The following ETNK1 variants were observed in gnomAD, a reference collection of about 807,000 sequenced individuals.
The protein encoded by ETNK1 is putative protein product of Nbla10396.
ETNK1 carries 8 observed loss-of-function variants against 45.1 expected under a neutral mutation model. That is an observed-to-expected ratio of 0.18 (90% CI 0.10 to 0.32). The LOEUF is 0.32. Ranked by LOEUF, ETNK1 falls within the 10% of genes least tolerant of loss-of-function variation. ETNK1 has a pLI of 1.00. For synonymous variants in ETNK1, 152 were observed against 151.9 expected, an observed-to-expected ratio of 1.00 and a Z score of -0.01; for missense variants, 302 against 430.6, an observed-to-expected ratio of 0.70 and a Z score of 2.64.
At chr12:22,636,909 T>G (rs552660241) in intron 1 of ETNK1, among the ~76,000 whole-genome samples, 1 of 152,258 alleles carries the variant, frequency 6.6e-6, no homozygotes, top group African/African-American at 2.4e-5. Flanking sequence ...ACAAAAAAAT[T>G]TAAATCAAAA....
chr12:22,629,155 G>A (rs1036547865), intron 1 of ETNK1, among the ~76,000 whole-genome samples: 4 of 151,938 alleles, frequency 2.6e-5, no homozygotes, highest in African/African-American at 9.7e-5. Flanking sequence ...ACTATATATT[G>A]GATACTTGAA....
At chr12:22,678,232 C>T (rs1954179259) in intron 6 of ETNK1, among the ~76,000 whole-genome samples, 1 of 152,174 alleles carries the variant, frequency 6.6e-6, no homozygotes, top group Non-Finnish European at 1.5e-5. Context: ...AAAGGAAACC[C>T]TGAATCTTAC....
intron 2 of ETNK1, chr12:22,644,363 G>T: frequency 1.4e-6 from 2 of 1,431,768 alleles, no homozygotes; most frequent in Non-Finnish European, 1.8e-6. Flanking sequence ...TTACTTAATT[G>T]TTCATGTTTT....
chr12:22,674,359 T>C (rs1447740757), intron 6 of ETNK1, among the ~76,000 whole-genome samples: 2 of 152,226 alleles, frequency 1.3e-5, no homozygotes, highest in Non-Finnish European at 2.9e-5. Context: ...ATAGTTGACA[T>C]GGGAAATATT....
chr12:22,673,809 T>A, intron 6 of ETNK1, 149 bp downstream of exon 6: 2 of 784,704 alleles, frequency 2.5e-6, no homozygotes, highest in Non-Finnish European at 4.0e-6. Context: ...CAGTATGCAT[T>A]ACCCCATTGC....
chr12:22,657,118 T>C (rs1953952293), intron 2 of ETNK1, among the ~76,000 whole-genome samples: 1 of 152,160 alleles, frequency 6.6e-6, no homozygotes, highest in Non-Finnish European at 1.5e-5. Flanking sequence ...CACAGTTCAT[T>C]TGGGCTTAGC....
intron 2 of ETNK1, among the ~76,000 whole-genome samples, chr12:22,645,086 G>A (rs1001032698): frequency 2.6e-5 from 4 of 151,856 alleles, no homozygotes; most frequent in African/African-American, 9.7e-5. Context: ...GTCTTTAGAT[G>A]TATTAAAAGA....
rs73080499 is a variant in ETNK1 at position 22,679,295 on chromosome 12, A to G, written c.946-5188A>G. Among the ~76,000 whole-genome samples, 566 of 152,342 alleles carry G rather than the reference A, an allele frequency of 3.7e-3. 3 individuals carry two copies. The highest frequency in any genetic ancestry group is 6.8e-3 in the Middle Eastern group (2 of 294). On this transcript the variant is annotated intron_variant, in intron 6 of 7. Coordinates refer to ENST00000266517, the MANE Select transcript of ETNK1 (RefSeq NM_018638.5). ...TTAAGTCCAAGTGTCCAAATGCTGA[A>G]GAACTTGGATTCTGAAGTCCAAGGG...
chr12:22,640,640 T>C (rs1427130211), intron 1 of ETNK1, among the ~76,000 whole-genome samples: 1 of 152,188 alleles, frequency 6.6e-6, no homozygotes, highest in African/African-American at 2.4e-5. Flanking sequence ...AGCACTGTTC[T>C]AAGTACTTTT....
intron 2 of ETNK1, among the ~76,000 whole-genome samples, chr12:22,651,680 C>CA (rs1953877568): frequency 7.7e-6 from 1 of 129,256 alleles, no homozygotes; most frequent in African/African-American, 2.7e-5. Context: ...ACAATTCTAT[C>CA]CCTTTTTTTT....
At chr12:22,662,606 C>G (rs570058365) in intron 4 of ETNK1, among the ~76,000 whole-genome samples, 3 of 152,130 alleles carry the variant, frequency 2.0e-5, no homozygotes, top group South Asian at 2.1e-4. Flanking sequence ...CTCTGTTGCC[C>G]AGGCTGGTTT....
At chr12:22,663,470 A>C (rs111488814) in intron 4 of ETNK1, among the ~76,000 whole-genome samples, 3,045 of 152,242 alleles carry the variant, frequency 0.02, 53 homozygotes, top group Middle Eastern at 0.048. Flanking sequence ...AAACTTGTTT[A>C]TAAAACCAAA....
rs1565449523 is a variant in ETNK1 at position 22,680,900 on chromosome 12, CCCCCT to C, written c.946-3580_946-3576del. Among the ~76,000 whole-genome samples the C allele has an allele frequency of 2.9e-5, 4 of 136,702 alleles. 1 individual carries two copies. The highest frequency in any genetic ancestry group is 6.4e-5 in the Non-Finnish European group (4 of 62,196). 89.7% of individuals were successfully genotyped at this position (136,702 alleles called of 152,430 possible). On this transcript the variant is annotated intron_variant, in intron 6 of 7. Coordinates refer to ENST00000266517, the MANE Select transcript of ETNK1 (RefSeq NM_018638.5). ...TTGTGGAGCTTTTCTTCCCCCGCCC[CCCCCT>C]CCATTATATGCACACTGGGGATTTA...
intron 2 of ETNK1, chr12:22,644,250 A>T: frequency 6.2e-7 from 1 of 1,608,566 alleles, no homozygotes. Flanking sequence ...AAACTACAAG[A>T]TGTTTTGGAT....
At chr12:22,672,758 G>A (rs1954121718) in intron 5 of ETNK1, among the ~76,000 whole-genome samples, 1 of 152,164 alleles carries the variant, frequency 6.6e-6, no homozygotes, top group African/African-American at 2.4e-5. Context: ...TCATGAAGGA[G>A]ACTACAGAGT....
At chr12:22,643,711 C>G in intron 1 of ETNK1, 52 bp from the exon 2 acceptor site, 6 of 1,488,690 alleles carry the variant, frequency 4.0e-6, no homozygotes, top group Non-Finnish European at 5.5e-6. Context: ...CTCCTGTTCT[C>G]TAAAGATAGA....
At chr12:22,655,425 C>T (rs1030241365) in intron 2 of ETNK1, among the ~76,000 whole-genome samples, 6 of 151,766 alleles carry the variant, frequency 4.0e-5, no homozygotes, top group East Asian at 1.9e-4. Flanking sequence ...CAACCTCCGC[C>T]GCCTGGGTTC....
At chr12:22,625,772 T>C (rs916109766) in intron 1 of ETNK1, 186 bp downstream of exon 1, 3 of 882,550 alleles carry the variant, frequency 3.4e-6, no homozygotes, top group African/African-American at 3.3e-5. Flanking sequence ...CCCGTCGCAG[T>C]TGCTCTTTGA....
Position 22,688,279 on chromosome 12 carries a change from A to T in ETNK1, c.*3325A>T, listed in dbSNP as rs538730246. On this transcript the variant is annotated 3_prime_UTR_variant, in exon 8 of 8. Coordinates refer to ENST00000266517, the MANE Select transcript of ETNK1 (RefSeq NM_018638.5). Reference sequence around the variant, plus strand: ...AATGACTTCTCTAAATTTAAAGTTGATCATGATAGGATCATAAAAGACAGA... The same window carrying T: ...AATGACTTCTCTAAATTTAAAGTTGTTCATGATAGGATCATAAAAGACAGA... 1.6e-4 allele frequency: 24 copies of T among 151,976 alleles called. No homozygotes were observed. Among genetic ancestry groups the T allele is most frequent in the Non-Finnish European group, 3.1e-4 (21 of 67,758 alleles). The allele number at this position is 151,976 out of a possible 1,614,324, so 9.4% of individuals were successfully genotyped here.
Sources: allele counts gnomAD v4.1 joint callset (sites outside exome capture counted in the v4.1 genomes callset), GRCh38; gene constraint gnomAD v4.1.1; transcripts MANE v1.5; gene names NCBI Gene and HGNC (gene_info 2026-07-23, HGNC 2026-07-21).